CCNJL: variants seen among roughly 807,000 people sequenced by gnomAD.
CCNJL encodes the protein cyclin-J-like protein.
A neutral mutation model predicts 33.4 loss-of-function variants in CCNJL; 33 were observed. The observed-to-expected ratio is 0.99, with a 90% CI of 0.75 to 1.32. The LOEUF is 1.32. Among genes scored for constraint, CCNJL ranks in the 40% most tolerant of loss-of-function variants. The pLI is 0.00. For synonymous variants in CCNJL, 227 were observed against 220.9 expected, an observed-to-expected ratio of 1.03 and a Z score of -0.24; for missense variants, 512 against 499.7, an observed-to-expected ratio of 1.02 and a Z score of -0.23.
At chr5:160,256,932 T>C (rs1761091454) in intron 4 of CCNJL, among the ~76,000 whole-genome samples, 1 of 151,072 alleles carries the variant, frequency 6.6e-6, no homozygotes, top group African/African-American at 2.4e-5. Context: ...AAAAAAAAAT[T>C]TTTTTTCATG....
rs555371566 is a variant in CCNJL at position 160,326,855 on chromosome 5, T to C, written n.207-11350A>G. 84 of 708,676 alleles carry C rather than the reference T, an allele frequency of 1.2e-4. No individual in the cohort carries two copies. In the Middle Eastern group the frequency reaches 1.7e-3, roughly 15 times the overall value. 43.9% of individuals were successfully genotyped at this position (708,676 alleles called of 1,614,324 possible). On this transcript the variant is annotated intron_variant and non_coding_transcript_variant, in intron 1 of 7. Coordinates refer to the CCNJL transcript ENST00000377503. ...TGTATCATTAGTTTTGATGAGTATA[T>C]GAACCTTGTATTAGATGATACAGAA...
chr5:160,325,442 T>C (rs936026643), intron 1 of CCNJL, among the ~76,000 whole-genome samples: 9 of 152,166 alleles, frequency 5.9e-5, no homozygotes, highest in Non-Finnish European at 1.2e-4. Context: ...TTGCTAATAC[T>C]ATTGCTTTTG....
At chr5:160,276,524 G>A (rs1000159794) in intron 3 of CCNJL, 1 of 151,970 alleles carries the variant, frequency 6.6e-6, no homozygotes, top group African/African-American at 2.4e-5. Flanking sequence ...AGACACAAAT[G>A]GTCACATATT....
chr5:160,321,061 T>C (rs1763453730), intron 1 of CCNJL, among the ~76,000 whole-genome samples: 1 of 129,866 alleles, frequency 7.7e-6, no homozygotes. Context: ...TTTCTTTCTT[T>C]CTTTCTTTCT....
intron 3 of CCNJL, among the ~76,000 whole-genome samples, chr5:160,263,176 T>C (rs931695807): frequency 9.2e-5 from 14 of 152,252 alleles, no homozygotes; most frequent in Admixed American, 8.5e-4. Context: ...CTGTAAATAC[T>C]GGTTTTGTTA....
intron 2 of CCNJL, among the ~76,000 whole-genome samples, chr5:160,299,360 C>T (rs1465083368): frequency 6.6e-6 from 1 of 152,006 alleles, no homozygotes; most frequent in Non-Finnish European, 1.5e-5. Context: ...CTATGTTGTC[C>T]AGGCTGGTCT....
At chr5:160,283,447 T>C (rs1015718122) in intron 2 of CCNJL, among the ~76,000 whole-genome samples, 8 of 152,192 alleles carry the variant, frequency 5.3e-5, no homozygotes, top group Non-Finnish European at 1.0e-4. Flanking sequence ...GCTCTGTGAA[T>C]ACACAAACAA....
chr5:160,311,764 C>G (rs1763266745), intron 2 of CCNJL, 94 bp downstream of exon 2: 1 of 1,217,142 alleles, frequency 8.2e-7, no homozygotes. Flanking sequence ...CCCGGGAGTT[C>G]TGAGTTCCCA....
chr5:160,324,123 T>C (rs1763506863), intron 1 of CCNJL, among the ~76,000 whole-genome samples: 1 of 152,226 alleles, frequency 6.6e-6, no homozygotes. Context: ...TTCTATTGGT[T>C]CTGGTTCTCT....
chr5:160,292,685 TTA>T (rs199711109), intron 2 of CCNJL, among the ~76,000 whole-genome samples: 53,645 of 149,932 alleles, frequency 0.36, 11,679 homozygotes, highest in African/African-American at 0.63. Flanking sequence ...TATAGTAGTT[TTA>T]TATATATATA....
chr5:160,254,342 C>A (rs1272000251), intron 5 of CCNJL: 1 of 661,164 alleles, frequency 1.5e-6, no homozygotes, highest in Admixed American at 2.4e-5. Context: ...GGGGCTGGAA[C>A]AGAGATTTTT....
chr5:160,326,663 G>T lies in CCNJL; in HGVS notation n.207-11158C>A, dbSNP rs548211171. The T allele has an allele frequency of 1.0e-4, 77 of 765,734 alleles. No homozygotes were observed. The East Asian group carries it at 2.2e-3, about 22-fold the overall frequency. 47.4% of individuals were successfully genotyped at this position (765,734 alleles called of 1,614,324 possible). On this transcript the variant is annotated intron_variant and non_coding_transcript_variant, in intron 1 of 7. Transcript: ENST00000377503. ...TTAGAGTTAAAAGCTTGAAATCAGC[G>T]GGTGGGTGTGCTCTTTGTGAAATTC... is the stretch of plus-strand genomic sequence containing the variant.
At chr5:160,315,379 C>T (rs576654475), upstream of CCNJL, 35 of 413,334 alleles carry the variant, frequency 8.5e-5, no homozygotes, top group South Asian at 5.2e-4. Flanking sequence ...TGGTGGTATA[C>T]ACCTGTAGTC....
intron 2 of CCNJL, among the ~76,000 whole-genome samples, chr5:160,296,231 G>C (rs1762746936): frequency 6.6e-6 from 1 of 152,122 alleles, no homozygotes; most frequent in Admixed American, 6.5e-5. Flanking sequence ...ACATACACAA[G>C]GCACTTAACA....
intron 1 of CCNJL, among the ~76,000 whole-genome samples, chr5:160,324,119 T>G (rs1763506784): frequency 6.6e-6 from 1 of 152,208 alleles, no homozygotes; most frequent in African/African-American, 2.4e-5. Context: ...CGTCTTCTAT[T>G]GGTTCTGGTT....
At chr5:160,263,792 A>G (rs1019896171) in intron 3 of CCNJL, among the ~76,000 whole-genome samples, 1 of 152,172 alleles carries the variant, frequency 6.6e-6, no homozygotes, top group Non-Finnish European at 1.5e-5. Context: ...CTTTAGCTCA[A>G]TGGCTTTGCA....
rs1355154751 is a variant in CCNJL at position 160,282,985 on chromosome 5, A to G, written c.67-2247T>C. Among the ~76,000 whole-genome samples, 245 of 55,434 alleles carry G rather than the reference A, an allele frequency of 4.4e-3. 5 individuals are homozygous for G. The highest frequency in any genetic ancestry group is 0.018 in the African/African-American group (221 of 12,224). The allele number at this position is 55,434 out of a possible 152,430, so 36.4% of individuals were successfully genotyped here. Reference sequence around the variant, plus strand: ...CCTTGGAATATATATATATATATATATATATATATATATATATATATATAC... The same window carrying G: ...CCTTGGAATATATATATATATATATGTATATATATATATATATATATATAC... On this transcript the variant is annotated intron_variant, in intron 2 of 5. Transcript: ENST00000257536.
intron 2 of CCNJL, among the ~76,000 whole-genome samples, chr5:160,285,667 C>A (rs1007668735): frequency 2.0e-5 from 3 of 152,224 alleles, no homozygotes; most frequent in Non-Finnish European, 4.4e-5. Context: ...ACAGCACCTG[C>A]AAAGCCACAC....
chr5:160,303,692 C>CTGTGTG (rs1292597058), intron 2 of CCNJL, among the ~76,000 whole-genome samples: 1 of 95,902 alleles, frequency 1.0e-5, no homozygotes, highest in East Asian at 2.8e-4. Context: ...AACAAATCCT[C>CTGTGTG]TGTGTGTCTG....
Sources: allele counts gnomAD v4.1 joint callset (sites outside exome capture counted in the v4.1 genomes callset), GRCh38; gene constraint gnomAD v4.1.1; transcripts MANE v1.5; gene names NCBI Gene and HGNC (gene_info 2026-07-23, HGNC 2026-07-21).